Variants in F2RL1 observed in about 807,000 individuals in gnomAD.
The protein encoded by F2RL1 is F2R like trypsin receptor 1.
Under a neutral mutation model 21.7 loss-of-function variants are expected in F2RL1, and 16 were observed. That is an observed-to-expected ratio of 0.74 (90% confidence interval 0.50 to 1.12). The LOEUF is 1.12. F2RL1 is among the 50% of genes most tolerant of loss of function. The probability of loss-of-function intolerance (pLI) is 0.00; values close to 1 mark genes in which losing one functional copy is unlikely to be tolerated. For synonymous variants in F2RL1, 181 were observed against 186.7 expected, an observed-to-expected ratio of 0.97 and a Z score of 0.25; for missense variants, 432 against 477.8, an observed-to-expected ratio of 0.90 and a Z score of 0.89.
chr5:76,822,188 A>G (rs769011425), intron 1 of F2RL1, among the ~76,000 whole-genome samples: 3 of 152,198 alleles, frequency 2.0e-5, no homozygotes, highest in Non-Finnish European at 4.4e-5. Flanking sequence ...TTTTAAAATT[A>G]GTCCTTTGTT....
At chr5:76,825,441 G>T (rs1044649890) in intron 1 of F2RL1, among the ~76,000 whole-genome samples, 2 of 151,556 alleles carry the variant, frequency 1.3e-5, no homozygotes, top group African/African-American at 4.9e-5. Context: ...GGAGCTGTTT[G>T]TCTGTAACTG....
chr5:76,824,159 A>ACCCCCCC (rs5868841), intron 1 of F2RL1, among the ~76,000 whole-genome samples: 1 of 86,828 alleles, frequency 1.2e-5, no homozygotes. Context: ...TCCCCACCAC[A>ACCCCCCC]CCCCCCCCCC....
rs528296634 is a variant in F2RL1 at position 76,828,943 on chromosome 5, C to T, written c.83-3747C>T. ...CCAGCTTGACCAACATGGTGAAACC[C>T]CATCTCTACTAAAAATACAAAAATT... On this transcript the variant is annotated intron_variant, in intron 1 of 1. Transcript: ENST00000296677. Among the ~76,000 whole-genome samples the T allele has an allele frequency of 4.6e-5, 7 of 152,034 alleles. No individual in the cohort carries two copies. The South Asian group carries it at 1.5e-3, about 32-fold the overall frequency.
intron 1 of F2RL1, among the ~76,000 whole-genome samples, chr5:76,822,733 A>C (rs1006332632): frequency 2.0e-5 from 3 of 152,272 alleles, no homozygotes; most frequent in Admixed American, 6.5e-5. Flanking sequence ...AAGTTTAGCT[A>C]GGGAGGGGCA....
intron 1 of F2RL1, 118 bp from the exon 2 acceptor site, chr5:76,832,572 G>A (rs980323997): frequency 7.6e-6 from 8 of 1,056,486 alleles, no homozygotes; most frequent in South Asian, 5.1e-5. Flanking sequence ...GGGTGACAGC[G>A]AGACCCTGTC....
rs1561213016 is a variant in F2RL1 at position 76,833,440 on chromosome 5, C to CA, written c.834dup (p.Glu279ArgfsTer25). The CA allele has an allele frequency of 6.8e-6, 11 of 1,613,900 alleles. No individual in the cohort carries two copies. Among genetic ancestry groups the CA allele is most frequent in the Non-Finnish European group, 9.3e-6 (11 of 1,180,002 alleles). On this transcript the variant is annotated frameshift_variant, in exon 2 of 2. Transcript: ENST00000296677. LOFTEE classifies it high-confidence loss of function. ...CGATCTTCTGCCATGGATGAAAACT[C>CA]AGAGAAGAAAAGGAAGAGGGCCATC...
intron 1 of F2RL1, among the ~76,000 whole-genome samples, chr5:76,828,635 G>A (rs909759945): frequency 6.0e-5 from 9 of 148,972 alleles, no homozygotes; most frequent in Middle Eastern, 6.9e-3. Context: ...ACAGGTGTGC[G>A]CCACCATGCC....
At chr5:76,820,582 T>C (rs1195941393) in intron 1 of F2RL1, among the ~76,000 whole-genome samples, 1 of 152,190 alleles carries the variant, frequency 6.6e-6, no homozygotes, top group African/African-American at 2.4e-5. Flanking sequence ...CTCTCCTCTA[T>C]GTCCTTTAAA....
intron 1 of F2RL1, among the ~76,000 whole-genome samples, chr5:76,820,180 C>T (rs1410004965): frequency 6.6e-6 from 1 of 152,148 alleles, no homozygotes. Flanking sequence ...TCCGGGTGTG[C>T]TCGAACTTGT....
chr5:76,819,200 G>A lies in F2RL1; in HGVS notation c.18G>A (p.Ala6=), dbSNP rs1250394180. Residue 6 remains alanine (A), a synonymous_variant, in exon 1 of 2, where the codon GCG becomes GCA. Transcript: ENST00000296677. MRSPS[A]AWLLGAAILL... is the part of the protein sequence containing the mutation. ...CCAGGAGGATGCGGAGCCCCAGCGCGGCGTGGCTGCTGGGGGCCGCCATCC... is the reference window on the plus strand; with the variant it reads ...CCAGGAGGATGCGGAGCCCCAGCGCAGCGTGGCTGCTGGGGGCCGCCATCC... The A allele has an allele frequency of 2.5e-6, 4 of 1,587,714 alleles. No homozygotes were observed. Among genetic ancestry groups the A allele is most frequent in the East Asian group, 4.5e-5 (2 of 44,314 alleles).
rs886797068 is a variant in F2RL1, at chr5:76,835,030, CTGAG to C, written c.*1231_*1234del. The C allele has an allele frequency of 6.6e-6, 1 of 152,252 alleles. No homozygotes were observed. The highest frequency in any genetic ancestry group is 2.4e-5 in the African/African-American group (1 of 41,406). The allele number at this position is 152,252 out of a possible 1,614,324, so 9.4% of individuals were successfully genotyped here. On this transcript the variant is annotated 3_prime_UTR_variant, in exon 2 of 2. Coordinates refer to ENST00000296677, the MANE Select transcript of F2RL1 (RefSeq NM_005242.6). ...GACTTCAGTGAAATTTTCAGGTAGT[CTGAG>C]TAATAGATTGTTTTGCCACTTAGAA...
chr5:76,829,854 T>G (rs1750319301), intron 1 of F2RL1, among the ~76,000 whole-genome samples: 1 of 152,154 alleles, frequency 6.6e-6, no homozygotes, highest in African/African-American at 2.4e-5. Context: ...TCTTAGGGGT[T>G]ATGGTCAAAT....
intron 1 of F2RL1, among the ~76,000 whole-genome samples, chr5:76,821,580 T>G (rs905188269): frequency 2.3e-5 from 3 of 129,096 alleles, no homozygotes; most frequent in Non-Finnish European, 4.8e-5. Context: ...TTTTTTTGGT[T>G]TTTTGGGTTT....
intron 1 of F2RL1, among the ~76,000 whole-genome samples, chr5:76,829,867 T>C (rs1268294647): frequency 6.6e-6 from 1 of 152,172 alleles, no homozygotes; most frequent in African/African-American, 2.4e-5. Context: ...GGTCAAATAT[T>C]TGAAGAACAC....
chr5:76,823,647 G>C (rs907559321), intron 1 of F2RL1, among the ~76,000 whole-genome samples: 2 of 151,942 alleles, frequency 1.3e-5, no homozygotes, highest in South Asian at 4.2e-4. Flanking sequence ...CCAAAGTGCT[G>C]GGATTATAGG....
chr5:76,830,560 G>C (rs1338027464), intron 1 of F2RL1, among the ~76,000 whole-genome samples: 1 of 152,226 alleles, frequency 6.6e-6, no homozygotes, highest in Non-Finnish European at 1.5e-5. Context: ...ACAGGCGTGA[G>C]ACACCACGCC....
chr5:76,823,906 G>A (rs990679644), intron 1 of F2RL1, among the ~76,000 whole-genome samples: 4 of 146,254 alleles, frequency 2.7e-5, no homozygotes, highest in South Asian at 2.2e-4. Context: ...TCTGCCTCCC[G>A]GGTTCATGCC....
At chr5:76,821,144 C>T (rs1383090080) in intron 1 of F2RL1, among the ~76,000 whole-genome samples, 1 of 152,066 alleles carries the variant, frequency 6.6e-6, no homozygotes, top group East Asian at 1.9e-4. Context: ...ACGAACTCAG[C>T]CGAGATCACA....
rs2243085 is a variant in F2RL1 at position 76,834,214 on chromosome 5, C to A, written c.*413C>A. ...AGGCCCTCAGAGATGATCAGTCCAA[C>A]TGAACGACCTTACAAATGAGGAAAC... On this transcript the variant is annotated 3_prime_UTR_variant, in exon 2 of 2. Transcript: ENST00000296677. 7.2e-3 allele frequency: 1,106 copies of A among 154,402 alleles called. 6 individuals carry two copies. Among genetic ancestry groups the A allele is most frequent in the Non-Finnish European group, 0.012 (838 of 69,560 alleles). The allele number at this position is 154,402 out of a possible 1,614,324, so 9.6% of individuals were successfully genotyped here.
Sources: allele counts gnomAD v4.1 joint callset (sites outside exome capture counted in the v4.1 genomes callset), GRCh38; gene constraint gnomAD v4.1.1; transcripts MANE v1.5; gene names NCBI Gene and HGNC (gene_info 2026-07-23, HGNC 2026-07-21).